Variants in GNAL observed in about 807,000 individuals in gnomAD.
The protein encoded by GNAL is guanine nucleotide-binding protein G(olf) subunit alpha.
GNAL carries 18 observed loss-of-function variants against 55.1 expected under a neutral mutation model. The observed-to-expected ratio is 0.33, with a 90% CI of 0.23 to 0.48. The LOEUF is 0.48. GNAL is among the 20% of genes least tolerant of loss of function. The pLI is 0.99. For synonymous variants in GNAL, 253 were observed against 237.0 expected (o/e 1.07, Z -0.62); for missense variants, 412 against 614.1 (o/e 0.67, Z 3.48).
Position 11,847,045 on chromosome 18 carries a change from T to C in GNAL, c.723-15350T>C, listed in dbSNP as rs565017151. Among the ~76,000 whole-genome samples, 9 of 151,526 alleles carry C rather than the reference T, an allele frequency of 5.9e-5. No homozygotes were observed. The East Asian group carries it at 1.2e-3, about 19-fold the overall frequency. On this transcript the variant is annotated intron_variant, in intron 5 of 11. Transcript: ENST00000334049. ...ATGTATGTAATGTATAATATATATA[T>C]ACATATATGTAATGTATTCCTCAAA... is the stretch of plus-strand genomic sequence containing the variant.
At chr18:11,754,653 AG>A (rs2032980909) in intron 4 of GNAL, among the ~76,000 whole-genome samples, 2 of 152,238 alleles carry the variant, frequency 1.3e-5, no homozygotes, top group African/African-American at 4.8e-5. Flanking sequence ...TTACAGAAAG[AG>A]CAGAATTCAG....
chr18:11,725,008 A>G (rs1429009726), intron 1 of GNAL, among the ~76,000 whole-genome samples: 2 of 152,158 alleles, frequency 1.3e-5, no homozygotes, highest in African/African-American at 2.4e-5. Flanking sequence ...TATGGCCCGA[A>G]GGGGAGAGCA....
intron 5 of GNAL, among the ~76,000 whole-genome samples, chr18:11,831,749 A>G (rs2035387986): frequency 1.3e-5 from 2 of 152,236 alleles, no homozygotes; most frequent in Admixed American, 6.5e-5. Flanking sequence ...GGCCAGGCCA[A>G]TTCTTACCTA....
intron 4 of GNAL, among the ~76,000 whole-genome samples, chr18:11,780,342 T>C (rs1353430622): frequency 6.6e-6 from 1 of 151,658 alleles, no homozygotes; most frequent in Non-Finnish European, 1.5e-5. Context: ...TCGGAGCAAA[T>C]ATCCAAGTTT....
At chr18:11,880,596 C>T (rs610571) in intron 11 of GNAL, among the ~76,000 whole-genome samples, 49,690 of 152,018 alleles carry the variant, frequency 0.33, 8,623 homozygotes, top group South Asian at 0.46. Context: ...AATAAACAAA[C>T]AAAATAAAAT....
At chr18:11,819,410 A>T (rs1295814499) in intron 4 of GNAL, among the ~76,000 whole-genome samples, 1 of 152,196 alleles carries the variant, frequency 6.6e-6, no homozygotes, top group Non-Finnish European at 1.5e-5. Flanking sequence ...ATGTTGATTT[A>T]AAAATCAAAA....
chr18:11,693,784 A>G (rs1598397240), intron 1 of GNAL, among the ~76,000 whole-genome samples: 5 of 129,246 alleles, frequency 3.9e-5, no homozygotes, highest in East Asian at 2.2e-4. Context: ...TAGGATGCTG[A>G]GGTGGGCAGA....
At chr18:11,740,536 A>G (rs955522725) in intron 1 of GNAL, among the ~76,000 whole-genome samples, 4 of 152,222 alleles carry the variant, frequency 2.6e-5, no homozygotes, top group African/African-American at 9.6e-5. Context: ...GGACAGAATC[A>G]TGAGTGTGTC....
chr18:11,824,004 T>G (rs1425432998), intron 4 of GNAL, among the ~76,000 whole-genome samples: 3 of 152,176 alleles, frequency 2.0e-5, no homozygotes, highest in Non-Finnish European at 4.4e-5. Flanking sequence ...CACAGTGACC[T>G]CATGGCTCTG....
Position 11,689,776 on chromosome 18 carries a change from G to GACA in GNAL, c.214_215insCAA (p.Pro71_Lys72insThr). Reference sequence around the variant, plus strand: ...GCGCTCGGCCCAAAGCAGACAAGCCGAAGGAGAAGCGGCAGCGCACCGAGC... The same window carrying GACA: ...GCGCTCGGCCCAAAGCAGACAAGCCGACAAAGGAGAAGCGGCAGCGCACCGAGC... On this transcript the variant is annotated inframe_insertion, in exon 1 of 12. Coordinates refer to ENST00000334049, the MANE Select transcript of GNAL (RefSeq NM_182978.4). 1.6e-5 allele frequency: 25 copies of GACA among 1,527,778 alleles called. No homozygotes were observed. Among genetic ancestry groups the GACA allele is most frequent in the Non-Finnish European group, 2.2e-5 (25 of 1,140,598 alleles). 94.6% of individuals were successfully genotyped at this position (1,527,778 alleles called of 1,614,324 possible).
intron 4 of GNAL, among the ~76,000 whole-genome samples, chr18:11,786,730 C>T (rs1206451907): frequency 2.6e-5 from 4 of 151,314 alleles, no homozygotes; most frequent in Admixed American, 1.3e-4. Flanking sequence ...GGATTACAGA[C>T]GTGAGCCACC....
chr18:11,752,902 G>T lies in GNAL; in HGVS notation c.426G>T (p.Leu142=). Reference sequence around the variant, plus strand: ...CTATCGTCAAACAGATGAGGATCCTGCACGTCAATGGGTTTAATCCCGAGT... The same window carrying T: ...CTATCGTCAAACAGATGAGGATCCTTCACGTCAATGGGTTTAATCCCGAGT... ...KSTIVKQMRI[L]HVNGFNPEEK... is the part of the protein sequence containing the mutation. Residue 142 remains leucine (L), a synonymous_variant, in exon 2 of 12, where the codon CTG becomes CTT. Coordinates refer to ENST00000334049, the MANE Select transcript of GNAL (RefSeq NM_182978.4). This position sits in a 1 kb window ranked among gnomAD's most constrained non-coding sequence, Gnocchi z 4.5. 6.2e-7 allele frequency: 1 copy of T among 1,604,620 alleles called. No homozygotes were observed. Among genetic ancestry groups the T allele is most frequent in the South Asian group, 1.1e-5 (1 of 90,916 alleles).
At chr18:11,820,205 A>G (rs930799275) in intron 4 of GNAL, among the ~76,000 whole-genome samples, 1 of 152,122 alleles carries the variant, frequency 6.6e-6, no homozygotes, top group Non-Finnish European at 1.5e-5. Flanking sequence ...TTAGGCAGAA[A>G]GGGGGAGAGC....
chr18:11,735,300 C>G (rs534672413), intron 1 of GNAL, among the ~76,000 whole-genome samples: 22 of 152,130 alleles, frequency 1.4e-4, no homozygotes, highest in Non-Finnish European at 3.2e-4. Context: ...ATCCACCCGC[C>G]TTGCCCTTCC....
chr18:11,844,671 C>T (rs935041245), intron 5 of GNAL, among the ~76,000 whole-genome samples: 1 of 151,980 alleles, frequency 6.6e-6, no homozygotes, highest in Non-Finnish European at 1.5e-5. Flanking sequence ...ATGCTTTTTC[C>T]CTCCACCACC....
intron 4 of GNAL, among the ~76,000 whole-genome samples, chr18:11,764,096 C>A (rs2033329756): frequency 6.6e-6 from 1 of 151,910 alleles, no homozygotes; most frequent in South Asian, 2.1e-4. Flanking sequence ...GTACAAATAT[C>A]CTGTTTTTTT....
chr18:11,869,300 C>T (rs28611251), intron 9 of GNAL, among the ~76,000 whole-genome samples: 6,521 of 152,084 alleles, frequency 0.043, 455 homozygotes, highest in African/African-American at 0.15. Flanking sequence ...CCCTCCACCA[C>T]ACCCAGCTAA....
intron 4 of GNAL, among the ~76,000 whole-genome samples, chr18:11,814,094 GA>G (rs1229007881): frequency 6.6e-6 from 1 of 151,336 alleles, no homozygotes; most frequent in Non-Finnish European, 1.5e-5. Context: ...TAAACTTTAA[GA>G]AAAAAAATGG....
chr18:11,816,038 G>A (rs766431744), intron 4 of GNAL, among the ~76,000 whole-genome samples: 6 of 152,020 alleles, frequency 3.9e-5, no homozygotes, highest in Non-Finnish European at 7.4e-5. Flanking sequence ...ATGCAAAATG[G>A]TGCAACCACC....
Sources: allele counts gnomAD v4.1 joint callset (sites outside exome capture counted in the v4.1 genomes callset), GRCh38; gene constraint gnomAD v4.1.1; non-coding constraint Gnocchi (gnomAD v3.1); transcripts MANE v1.5; gene names NCBI Gene and HGNC (gene_info 2026-07-23, HGNC 2026-07-21).